The following CLUAP1 variants were observed in gnomAD, a reference collection of about 807,000 sequenced individuals.
CLUAP1 encodes the protein intraflagellar transport 38.
CLUAP1 carries 50 observed loss-of-function variants against 55.0 expected under a neutral mutation model. The observed-to-expected ratio is 0.91, with a 90% CI of 0.72 to 1.15. The LOEUF (loss-of-function observed/expected upper bound fraction) is 1.15, where lower values mean the gene tolerates loss of function less well. Ranked by LOEUF, CLUAP1 falls within the 50% of genes most tolerant of loss-of-function variation. The pLI is 0.00. For synonymous variants in CLUAP1, 195 were observed against 175.4 expected, an observed-to-expected ratio of 1.11 and a Z score of -0.88; for missense variants, 530 against 507.6, an observed-to-expected ratio of 1.04 and a Z score of -0.42.
intron 8 of CLUAP1, among the ~76,000 whole-genome samples, chr16:3,524,881 T>A (rs371383411): frequency 1.3e-5 from 2 of 152,320 alleles, no homozygotes; most frequent in South Asian, 2.1e-4. Context: ...AGTTTTTGAA[T>A]TGCCCTATCC....
At chr16:3,495,964 C>A in the CLUAP1 span, among the ~76,000 whole-genome samples, 145 of 152,132 alleles carry the variant, frequency 9.5e-4, no homozygotes, top group Non-Finnish European at 1.7e-3. Flanking sequence ...CACGGTGAAA[C>A]CCCGTCTCTA....
chr16:3,531,947 A>G (rs1036493006), intron 10 of CLUAP1, among the ~76,000 whole-genome samples: 1 of 151,628 alleles, frequency 6.6e-6, no homozygotes, highest in African/African-American at 2.4e-5. Context: ...CGGAGGGAGC[A>G]ATTCTCCTGC....
At chr16:3,497,974 G>A (rs2037331203), upstream of CLUAP1, among the ~76,000 whole-genome samples, 1 of 152,042 alleles carries the variant, frequency 6.6e-6, no homozygotes, top group African/African-American at 2.4e-5. Context: ...GATTTATTAG[G>A]GATATTGGCT....
chr16:3,515,250 G>A (rs2151052381), intron 5 of CLUAP1: 1 of 299,652 alleles, frequency 3.3e-6, no homozygotes, highest in East Asian at 6.2e-5. Context: ...TGGATGCTAA[G>A]TTCAGTTTTG....
chr16:3,501,209 C>T (rs2037392543), intron 1 of CLUAP1, 120 bp downstream of exon 1: 4 of 1,069,698 alleles, frequency 3.7e-6, no homozygotes, highest in Admixed American at 2.3e-5. Flanking sequence ...CCTTTCGGGC[C>T]TCTGCGCCTC....
In CLUAP1 at chr16:3,523,151, C is replaced by T; in HGVS notation, c.714-7C>T. The stretch of plus-strand genomic sequence containing the variant: ...CCTTTCCTTTTTATTTCATTTGCTT[C>T]TTTTAGGCCATGTTTTATGGATGAG... On this transcript the variant is annotated splice_region_variant and splice_polypyrimidine_tract_variant and intron_variant, in intron 7 of 11. Transcript: ENST00000576634. The T allele has an allele frequency of 1.2e-6, 2 of 1,604,776 alleles. No homozygotes were observed. Among genetic ancestry groups the T allele is most frequent in the South Asian group, 1.1e-5 (1 of 89,122 alleles).
chr16:3,522,992 G>A (rs2037870522), intron 7 of CLUAP1, among the ~76,000 whole-genome samples, 166 bp from the exon 8 acceptor site: 1 of 152,086 alleles, frequency 6.6e-6, no homozygotes, highest in African/African-American at 2.4e-5. Context: ...ATTTTGGGGG[G>A]AGAAAGCAGA....
chr16:3,512,334 T>G (rs1015274387), intron 4 of CLUAP1, 49 bp from the exon 5 acceptor site: 5 of 1,445,972 alleles, frequency 3.5e-6, no homozygotes, highest in Non-Finnish European at 4.9e-6. Flanking sequence ...CTGTCTCTAT[T>G]AAAAAACATC....
At chr16:3,530,982 G>T (rs1364564668) in intron 10 of CLUAP1, among the ~76,000 whole-genome samples, 1 of 152,202 alleles carries the variant, frequency 6.6e-6, no homozygotes, top group Admixed American at 6.5e-5. Flanking sequence ...AATAGCCTGA[G>T]AATTAATGCA....
At chr16:3,506,193 G>A in intron 2 of CLUAP1, 138 bp from the exon 3 acceptor site, 3 of 678,092 alleles carry the variant, frequency 4.4e-6, no homozygotes, top group Admixed American at 2.4e-5. Flanking sequence ...TTTGAAGTTT[G>A]CCTTGATCTC....
intron 7 of CLUAP1, among the ~76,000 whole-genome samples, chr16:3,520,869 C>T (rs1331042345): frequency 1.3e-5 from 2 of 152,102 alleles, no homozygotes; most frequent in Non-Finnish European, 2.9e-5. Flanking sequence ...TTCTCTTCCT[C>T]GTTCTGTGCC....
chr16:3,534,181 G>C (rs888917863), intron 11 of CLUAP1: 1 of 152,272 alleles, frequency 6.6e-6, no homozygotes, highest in Non-Finnish European at 1.5e-5. Flanking sequence ...TGGATTGTCG[G>C]ATCAGGGCTC....
intron 6 of CLUAP1, among the ~76,000 whole-genome samples, chr16:3,515,829 G>C (rs1018362222): frequency 6.6e-6 from 1 of 152,124 alleles, no homozygotes; most frequent in African/African-American, 2.4e-5. Flanking sequence ...TCAGTAATTT[G>C]ATAATTATCA....
chr16:3,497,719 G>A (rs2037328752), upstream of CLUAP1, among the ~76,000 whole-genome samples: 1 of 152,118 alleles, frequency 6.6e-6, no homozygotes, highest in Admixed American at 6.5e-5. Context: ...AACTTACCAG[G>A]CTCAGGCAAT....
In CLUAP1 at chr16:3,530,644, G is replaced by C. The variant is rs35876598; in HGVS notation, c.1005G>C (p.Lys335Asn). 330 of 1,614,102 alleles carry C rather than the reference G, an allele frequency of 2.0e-4. No individual in the cohort carries two copies. The African/African-American group carries it at 3.9e-3, about 19-fold the overall frequency. The change falls in exon 10 of 12, where the codon AAG becomes AAC. Residue 335 changes from lysine (K) to asparagine (N), a missense_variant. Transcript: ENST00000576634. ...DSELEERRLP[K>N]PQTAMEMLMQ... is the part of the protein sequence containing the mutation. ...AGTTGGAAGAAAGGCGGCTGCCCAA[G>C]CCACAGACAGCCATGGAGATGCTCA...
chr16:3,528,455 G>A (rs1175750988), intron 9 of CLUAP1, among the ~76,000 whole-genome samples: 1 of 152,190 alleles, frequency 6.6e-6, no homozygotes, highest in African/African-American at 2.4e-5. Flanking sequence ...CCAGGAACAA[G>A]GTTAGGAAAT....
chr16:3,495,578 A>G, the CLUAP1 span: 1 of 1,450,226 alleles, frequency 6.9e-7, no homozygotes, highest in South Asian at 1.4e-5. Flanking sequence ...CTAGTTTGGG[A>G]GAGGACAGTG....
intron 5 of CLUAP1, among the ~76,000 whole-genome samples, chr16:3,513,113 C>T (rs905655103): frequency 6.6e-6 from 1 of 152,188 alleles, no homozygotes; most frequent in Admixed American, 6.5e-5. Context: ...AGCATTTTCT[C>T]AAAAATGATC....
chr16:3,501,065 G>T lies in CLUAP1; in HGVS notation c.-3G>T. ...ACCCTGGGCTCCTGGGGACCTGAGC[G>T]TTATGTCTTTCCGCGACCTCCGCAG... On this transcript the variant is annotated 5_prime_UTR_variant, in exon 1 of 12. Transcript: ENST00000576634. The T allele has an allele frequency of 1.2e-6, 2 of 1,600,098 alleles. No homozygotes were observed. The highest frequency in any genetic ancestry group is 1.7e-4 in the Middle Eastern group (1 of 5,748).
Sources: gnomAD v4.1 joint callset for allele counts (sites outside exome capture counted in the v4.1 genomes callset) on GRCh38, gnomAD v4.1.1 for gene constraint, MANE v1.5 for transcripts, NCBI Gene and HGNC (gene_info 2026-07-23, HGNC 2026-07-21) for gene names.